PDE4B: variants seen among roughly 807,000 people sequenced by gnomAD.
The protein encoded by PDE4B is phosphodiesterase 4B.
In PDE4B, 20 loss-of-function variants were observed where a neutral mutation model predicts 82.2. That is an observed-to-expected ratio of 0.24 (90% confidence interval 0.17 to 0.35). PDE4B has a LOEUF of 0.35. Ranked by LOEUF, PDE4B falls within the 10% of genes least tolerant of loss-of-function variation. The pLI is 1.00. For synonymous variants in PDE4B, 320 were observed against 318.9 expected (o/e 1.00, Z -0.04); for missense variants, 655 against 907.2 (o/e 0.72, Z 3.57).
chr1:66,353,661 G>C (rs1178895003), intron 8 of PDE4B, among the ~76,000 whole-genome samples: 1 of 152,192 alleles, frequency 6.6e-6, no homozygotes, highest in East Asian at 1.9e-4. Context: ...TAAAGCTCTA[G>C]TGTTTCCCCT....
At chr1:65,852,590 T>C (rs1416510677) in intron 1 of PDE4B, among the ~76,000 whole-genome samples, 1 of 152,022 alleles carries the variant, frequency 6.6e-6, no homozygotes, top group East Asian at 1.9e-4. Context: ...TAAATCCATG[T>C]CTCTCACTGT....
In PDE4B at chr1:66,220,020, A is replaced by G. The variant is rs12028873; in HGVS notation, c.282-27440A>G. ...TGTATAAAACTAGAAGGGCCTGCCA[A>G]TTTACCCTCCAAGGCAACAAGGAAT... On this transcript the variant is annotated intron_variant, in intron 3 of 16. Transcript: ENST00000341517. Among the ~76,000 whole-genome samples, 1,946 of 152,300 alleles carry G rather than the reference A, an allele frequency of 0.013. 93 individuals carry two copies. The East Asian group carries it at 0.15, about 12-fold the overall frequency.
At chr1:66,311,937 A>T (rs1478723616) in intron 7 of PDE4B, among the ~76,000 whole-genome samples, 1 of 152,156 alleles carries the variant, frequency 6.6e-6, no homozygotes, top group Non-Finnish European at 1.5e-5. Context: ...CTTTACCTTC[A>T]TACAGAGCTT....
chr1:65,809,853 C>G (rs1006921794), intron 1 of PDE4B, among the ~76,000 whole-genome samples: 1 of 152,222 alleles, frequency 6.6e-6, no homozygotes, highest in Non-Finnish European at 1.5e-5. Flanking sequence ...CATTAATGAT[C>G]ATTTTTAGAG....
chr1:66,105,469 C>T (rs1184405259), intron 3 of PDE4B, among the ~76,000 whole-genome samples: 1 of 152,034 alleles, frequency 6.6e-6, no homozygotes, highest in African/African-American at 2.4e-5. Context: ...TTTTCCAATT[C>T]TGTGGAGAAA....
At chr1:65,816,190 A>AGTGTGTGTGTGTGTGTGTGTGTGT (rs139330007) in intron 1 of PDE4B, among the ~76,000 whole-genome samples, 1 of 132,796 alleles carries the variant, frequency 7.5e-6, no homozygotes, top group African/African-American at 2.8e-5. Flanking sequence ...TTATTAATGC[A>AGTGTGTGTGTGTGTGTGTGTGTGT]GTGTGTGTGT....
chr1:66,033,730 AGAG>A (rs1318897471), intron 3 of PDE4B, among the ~76,000 whole-genome samples: 2 of 147,340 alleles, frequency 1.4e-5, no homozygotes, highest in Non-Finnish European at 3.0e-5. Flanking sequence ...AAAAAAAATG[AGAG>A]GAGGAGAAGA....
At chr1:66,221,169 G>C (rs1570497505) in intron 3 of PDE4B, among the ~76,000 whole-genome samples, 1 of 152,074 alleles carries the variant, frequency 6.6e-6, no homozygotes, top group East Asian at 1.9e-4. Context: ...CCTTCAGAGA[G>C]GCTTCCTAAC....
At chr1:66,224,123 C>T (rs981745118) in intron 3 of PDE4B, among the ~76,000 whole-genome samples, 1 of 152,004 alleles carries the variant, frequency 6.6e-6, no homozygotes, top group Non-Finnish European at 1.5e-5. Context: ...CACTTGATGC[C>T]TGACTCTTAC....
intron 3 of PDE4B, among the ~76,000 whole-genome samples, chr1:66,215,895 G>A (rs1446073790): frequency 1.3e-5 from 2 of 152,132 alleles, no homozygotes; most frequent in East Asian, 3.9e-4. Flanking sequence ...AAAGAGCAAA[G>A]GCCAAATGTT....
chr1:65,924,876 C>A (rs1445035691), intron 3 of PDE4B, among the ~76,000 whole-genome samples: 3 of 152,146 alleles, frequency 2.0e-5, no homozygotes, highest in African/African-American at 4.8e-5. Context: ...GAAAGAGAGA[C>A]CAATAGAGAC....
At chr1:66,034,557 T>C (rs577671355) in intron 3 of PDE4B, among the ~76,000 whole-genome samples, 23 of 152,292 alleles carry the variant, frequency 1.5e-4, no homozygotes, top group Admixed American at 1.5e-3. Flanking sequence ...CTAAAATCCA[T>C]ACCAAACATT....
intron 1 of PDE4B, among the ~76,000 whole-genome samples, chr1:65,872,088 G>A (rs72685046): frequency 0.026 from 3,999 of 152,150 alleles, 78 homozygotes; most frequent in African/African-American, 0.046. Context: ...CATAAATTGT[G>A]TATAAGTTAT....
At chr1:66,142,973 G>A (rs1222106892) in intron 3 of PDE4B, among the ~76,000 whole-genome samples, 1 of 152,248 alleles carries the variant, frequency 6.6e-6, no homozygotes, top group Non-Finnish European at 1.5e-5. Flanking sequence ...GAACAGTTCA[G>A]CTCGCATCTG....
chr1:66,210,740 A>G (rs1330960960), intron 3 of PDE4B, among the ~76,000 whole-genome samples: 3 of 152,146 alleles, frequency 2.0e-5, no homozygotes, highest in Non-Finnish European at 2.9e-5. Flanking sequence ...CAGGAGCAAG[A>G]AAAACTAGGC....
At chr1:66,014,807 C>T (rs185094467) in intron 3 of PDE4B, among the ~76,000 whole-genome samples, 8 of 152,106 alleles carry the variant, frequency 5.3e-5, no homozygotes, top group Admixed American at 2.6e-4. Context: ...GTAGAGGTTA[C>T]GAATGTTGCT....
chr1:65,882,847 G>A (rs1043298479), intron 1 of PDE4B, among the ~76,000 whole-genome samples: 1 of 152,116 alleles, frequency 6.6e-6, no homozygotes, highest in Non-Finnish European at 1.5e-5. Flanking sequence ...ACAGATAACA[G>A]GAAGGTTTGA....
intron 16 of PDE4B, among the ~76,000 whole-genome samples, chr1:66,369,717 G>A (rs1362093765): frequency 6.6e-6 from 1 of 152,174 alleles, no homozygotes; most frequent in Non-Finnish European, 1.5e-5. Flanking sequence ...CATTTGGATT[G>A]TTTATTTTCA....
intron 7 of PDE4B, among the ~76,000 whole-genome samples, chr1:66,300,598 C>T (rs146497169): frequency 2.0e-3 from 309 of 152,272 alleles, no homozygotes; most frequent in Admixed American, 4.6e-3. Context: ...TTTCCATTCC[C>T]CAGTCACTCA....
Sources: allele counts gnomAD v4.1 joint callset (sites outside exome capture counted in the v4.1 genomes callset), GRCh38; gene constraint gnomAD v4.1.1; transcripts MANE v1.5; gene names NCBI Gene and HGNC (gene_info 2026-07-23, HGNC 2026-07-21).